TMEM132D: variants seen among roughly 807,000 people sequenced by gnomAD.
TMEM132D encodes mature OL transmembrane protein.
TMEM132D carries 21 observed loss-of-function variants against 62.3 expected under a neutral mutation model. The observed-to-expected ratio is 0.34, with a 90% CI of 0.24 to 0.49. TMEM132D has a LOEUF of 0.49. Ranked by LOEUF, TMEM132D falls within the 20% of genes least tolerant of loss-of-function variation. TMEM132D has a pLI of 0.99. For missense variants in TMEM132D, 1,346 were observed against 1,402.8 expected, an observed-to-expected ratio of 0.96 and a Z score of 0.65; for synonymous variants, 621 against 575.6, an observed-to-expected ratio of 1.08 and a Z score of -1.13.
chr12:129,104,967 T>C (rs1435577295), intron 5 of TMEM132D, among the ~76,000 whole-genome samples: 1 of 147,938 alleles, frequency 6.8e-6, no homozygotes, highest in African/African-American at 2.6e-5. Flanking sequence ...AGTTCAACCA[T>C]TGTGGAAGTC....
intron 2 of TMEM132D, among the ~76,000 whole-genome samples, chr12:129,534,422 C>CAT (rs58530324): frequency 1.1e-3 from 119 of 111,780 alleles, no homozygotes; most frequent in African/African-American, 3.0e-3. Context: ...ATTTTATATA[C>CAT]ATATATATAT....
intron 3 of TMEM132D, among the ~76,000 whole-genome samples, chr12:129,377,380 GGGTTTGGGCATTTCCAA>G (rs1870811777): frequency 6.6e-6 from 1 of 152,166 alleles, no homozygotes; most frequent in South Asian, 2.1e-4. Context: ...GGCTTCTTTG[GGGTTTGGGCATTTCCAA>G]GGTGTCATAA....
chr12:129,313,018 G>A (rs909921704), intron 4 of TMEM132D, among the ~76,000 whole-genome samples: 2 of 152,116 alleles, frequency 1.3e-5, no homozygotes, highest in Non-Finnish European at 2.9e-5. Context: ...CATTGACTGA[G>A]ATGGGGAAGG....
chr12:129,355,628 G>T (rs1044662646), intron 3 of TMEM132D, among the ~76,000 whole-genome samples: 4 of 152,150 alleles, frequency 2.6e-5, no homozygotes, highest in African/African-American at 4.8e-5. Flanking sequence ...CTGAATGAGA[G>T]AATATTTATT....
At chr12:129,217,506 C>G (rs73418297) in intron 4 of TMEM132D, among the ~76,000 whole-genome samples, 278 of 152,296 alleles carry the variant, frequency 1.8e-3, no homozygotes, top group African/African-American at 6.4e-3. Flanking sequence ...GAACCTCCAG[C>G]CTTCCCTGCC....
intron 2 of TMEM132D, among the ~76,000 whole-genome samples, chr12:129,539,146 C>G (rs1876509830): frequency 6.6e-6 from 1 of 152,056 alleles, no homozygotes; most frequent in Admixed American, 6.6e-5. Context: ...GATTCATGTC[C>G]CAGGAAGGAT....
chr12:129,271,372 C>T (rs74936724), intron 4 of TMEM132D, among the ~76,000 whole-genome samples: 3,274 of 151,768 alleles, frequency 0.022, 205 homozygotes, highest in African/African-American at 0.075. Flanking sequence ...GACCTCAGAA[C>T]AGTTTTTCTT....
rs374549373 is a variant in TMEM132D at position 129,786,189 on chromosome 12, G to A, written c.80-85491C>T. On this transcript the variant is annotated intron_variant, in intron 1 of 8. Coordinates refer to ENST00000422113, the MANE Select transcript of TMEM132D (RefSeq NM_133448.3). The stretch of plus-strand genomic sequence containing the variant: ...CCCTGCCTCCTCCAGGTGGAGGGCT[G>A]GATGCCCACCAGCTTCCCTTGCTCC... 3.7e-4 allele frequency among the ~76,000 whole-genome samples: 57 copies of A among 152,224 alleles called. No homozygotes were observed. In the South Asian group the frequency reaches 0.011, roughly 30 times the overall value.
At chr12:129,387,671 C>T (rs1354271592) in intron 3 of TMEM132D, among the ~76,000 whole-genome samples, 1 of 152,042 alleles carries the variant, frequency 6.6e-6, no homozygotes, top group Admixed American at 6.6e-5. Flanking sequence ...AACACTAACA[C>T]CAACACCAAT....
intron 3 of TMEM132D, among the ~76,000 whole-genome samples, chr12:129,447,175 T>C (rs2135724331): frequency 6.6e-6 from 1 of 152,248 alleles, no homozygotes; most frequent in South Asian, 2.1e-4. Context: ...CACTCTCAAT[T>C]TGCTTTTCCA....
intron 3 of TMEM132D, among the ~76,000 whole-genome samples, chr12:129,482,809 A>T (rs1414930895): frequency 6.6e-6 from 1 of 152,074 alleles, no homozygotes; most frequent in Admixed American, 6.6e-5. Flanking sequence ...TAATTCTGAA[A>T]AGTTTCATTA....
At chr12:129,337,393 A>G (rs1053283166) in intron 4 of TMEM132D, among the ~76,000 whole-genome samples, 1 of 151,966 alleles carries the variant, frequency 6.6e-6, no homozygotes, top group Non-Finnish European at 1.5e-5. Flanking sequence ...ATAATACGTT[A>G]AGAAAATTGG....
chr12:129,588,946 C>T (rs1245604723), intron 2 of TMEM132D, among the ~76,000 whole-genome samples: 4 of 152,062 alleles, frequency 2.6e-5, no homozygotes, highest in Admixed American at 6.6e-5. Flanking sequence ...TTCAGCCGTG[C>T]CTTGTGATAC....
chr12:129,089,382 T>G (rs1335410868), intron 5 of TMEM132D, among the ~76,000 whole-genome samples: 1 of 56,072 alleles, frequency 1.8e-5, no homozygotes, highest in Non-Finnish European at 3.0e-5. Flanking sequence ...CGGGATGTCC[T>G]CCATGACCGG....
rs556476320 is a variant in TMEM132D at position 129,558,661 on chromosome 12, G to A, written c.969-27456C>T. ...GGAATCTGGGAAAGTCAGGTGAAGC[G>A]TGCTCTTCTGAAATGCAGAAGAGAA... is the stretch of plus-strand genomic sequence containing the variant. On this transcript the variant is annotated intron_variant, in intron 2 of 8. Transcript: ENST00000422113. Among the ~76,000 whole-genome samples the A allele has an allele frequency of 1.2e-3, 176 of 152,256 alleles. 1 individual carries two copies. The highest frequency in any genetic ancestry group is 3.7e-3 in the African/African-American group (153 of 41,558).
intron 2 of TMEM132D, among the ~76,000 whole-genome samples, chr12:129,588,163 C>A (rs144353311): frequency 1.3e-5 from 2 of 152,368 alleles, no homozygotes; most frequent in African/African-American, 2.4e-5. Context: ...ATAAATCATT[C>A]AGAAAAGTTC....
intron 2 of TMEM132D, among the ~76,000 whole-genome samples, chr12:129,623,734 TACATATATATACACATATATATACAC>T (rs1369595815): frequency 2.1e-5 from 3 of 140,124 alleles, no homozygotes; most frequent in Admixed American, 7.7e-5. Context: ...CATACATATA[TACATATATATACACATATATATACAC>T]ACATATATAT....
chr12:129,286,028 A>T (rs1385688048), intron 4 of TMEM132D, among the ~76,000 whole-genome samples: 1 of 152,222 alleles, frequency 6.6e-6, no homozygotes, highest in Non-Finnish European at 1.5e-5. Flanking sequence ...CTTGCTAACA[A>T]GAAAGATTTA....
chr12:129,621,944 A>G (rs568500226), intron 2 of TMEM132D, among the ~76,000 whole-genome samples: 185 of 151,960 alleles, frequency 1.2e-3, no homozygotes, highest in African/African-American at 4.3e-3. Context: ...CGTCTATGCT[A>G]TGGTCTGTTC....
Sources: gnomAD v4.1 joint callset for allele counts (sites outside exome capture counted in the v4.1 genomes callset) on GRCh38, gnomAD v4.1.1 for gene constraint, MANE v1.5 for transcripts, NCBI Gene and HGNC (gene_info 2026-07-23, HGNC 2026-07-21) for gene names.